Variants in FRMD4B observed in about 807,000 individuals in gnomAD.
The protein encoded by FRMD4B is FERM domain containing 4B, also known as FERM domain-containing protein 4B.
Under a neutral mutation model 141.5 loss-of-function variants are expected in FRMD4B, and 74 were observed. The observed-to-expected ratio is 0.52, with a 90% CI of 0.43 to 0.63. The LOEUF (loss-of-function observed/expected upper bound fraction) is 0.63, where lower values mean the gene tolerates loss of function less well. Ranked by LOEUF, FRMD4B falls within the 30% of genes least tolerant of loss-of-function variation. FRMD4B has a pLI of 0.00. For missense variants in FRMD4B, 1,366 were observed against 1,253.4 expected (o/e 1.09, Z -1.36); for synonymous variants, 506 against 467.9 (o/e 1.08, Z -1.05).
At chr3:69,378,464 C>G (rs920194912) in intron 1 of FRMD4B, among the ~76,000 whole-genome samples, 1 of 152,182 alleles carries the variant, frequency 6.6e-6, no homozygotes, top group Non-Finnish European at 1.5e-5. Context: ...TTCCAGCCAA[C>G]CAGTGATTGA....
chr3:69,243,816 C>T lies in FRMD4B; in HGVS notation c.581+5410G>A, dbSNP rs1214883502. Among the ~76,000 whole-genome samples, 6 of 152,232 alleles carry T rather than the reference C, an allele frequency of 3.9e-5. No individual in the cohort carries two copies. In the East Asian group the frequency reaches 5.8e-4, roughly 15 times the overall value. On this transcript the variant is annotated intron_variant, in intron 7 of 22. Transcript: ENST00000398540. ...ATCCCAGCACTTTGGGAGGCCTAGA[C>T]GGGCAGATCACCTGAGGCCAGGAGT...
chr3:69,358,853 A>C (rs1342111611), intron 1 of FRMD4B, among the ~76,000 whole-genome samples: 1 of 152,260 alleles, frequency 6.6e-6, no homozygotes, highest in East Asian at 1.9e-4. Context: ...TTCTAATAAA[A>C]GATAAGTTCA....
At chr3:69,319,515 T>C (rs1484767883) in intron 1 of FRMD4B, among the ~76,000 whole-genome samples, 1 of 152,100 alleles carries the variant, frequency 6.6e-6, no homozygotes, top group Non-Finnish European at 1.5e-5. Flanking sequence ...GGCAGAAAAA[T>C]TCTCCAGAGC....
At chr3:69,276,785 T>G (rs9831474) in intron 5 of FRMD4B, among the ~76,000 whole-genome samples, 138,215 of 152,044 alleles carry the variant, frequency 0.91, 63,347 homozygotes, top group Non-Finnish European at 0.97. Flanking sequence ...GCCAATATGG[T>G]GAAACCCCAT....
At chr3:69,424,413 C>T in intron 2 of FRMD4B, among the ~76,000 whole-genome samples, 1 of 152,172 alleles carries the variant, frequency 6.6e-6, no homozygotes, top group Non-Finnish European at 1.5e-5. Flanking sequence ...CCCGCTTTGG[C>T]CTCCCAAAGA....
rs779641470 is a variant in FRMD4B at position 69,392,218 on chromosome 3, C to T, written c.-1+40416G>A. Among the ~76,000 whole-genome samples the T allele has an allele frequency of 4.6e-5, 7 of 152,116 alleles. No individual in the cohort carries two copies. The East Asian group carries it at 1.3e-3, about 29-fold the overall frequency. ...GAGACGATCTCTGTCTAAGCGAGTC[C>T]TAGAGGACAGTGGGGAAGTCAGAAG... On this transcript the variant is annotated intron_variant, in intron 2 of 5. Transcript: ENST00000459638.
intron 5 of FRMD4B, among the ~76,000 whole-genome samples, chr3:69,254,495 T>C (rs2106810908): frequency 6.6e-6 from 1 of 152,236 alleles, no homozygotes; most frequent in African/African-American, 2.4e-5. Context: ...AGATTACTTA[T>C]TAATCACAAA....
At chr3:69,539,490 G>T (rs552288393) in intron 1 of FRMD4B, among the ~76,000 whole-genome samples, 1 of 152,280 alleles carries the variant, frequency 6.6e-6, no homozygotes, top group Admixed American at 6.5e-5. Flanking sequence ...CACTAAGATA[G>T]AAATTTATTA....
intron 4 of FRMD4B, among the ~76,000 whole-genome samples, chr3:69,298,391 T>C (rs4855305): frequency 0.44 from 66,175 of 152,080 alleles, 15,094 homozygotes; most frequent in Admixed American, 0.5. Context: ...GCCTGGGCCA[T>C]TGCAACAGCT....
intron 1 of FRMD4B, among the ~76,000 whole-genome samples, chr3:69,451,097 C>T (rs988195889): frequency 3.3e-5 from 5 of 152,210 alleles, no homozygotes; most frequent in Non-Finnish European, 7.3e-5. Context: ...GCCTCTGCTT[C>T]TCAGTGCTTC....
rs534864440 is a variant in FRMD4B at position 69,501,228 on chromosome 3, C to CTTT, written c.-129+40975_-129+40977dup. On this transcript the variant is annotated intron_variant, in intron 1 of 5. Coordinates refer to the FRMD4B transcript ENST00000459638. ...ACTATAAGGTTTATGCATGGACCTTCTTTTTTTTTTTTTTTTTTTTTAGCT... is the reference window on the plus strand; with the variant it reads ...ACTATAAGGTTTATGCATGGACCTTCTTTTTTTTTTTTTTTTTTTTTTTTAGCT... 4.5e-4 allele frequency among the ~76,000 whole-genome samples: 53 copies of CTTT among 117,246 alleles called. 1 individual carries two copies. Among genetic ancestry groups the CTTT allele is most frequent in the Middle Eastern group, 4.5e-3 (1 of 222 alleles). The allele number at this position is 117,246 out of a possible 152,430, so 76.9% of individuals were successfully genotyped here.
At chr3:69,287,675 G>A in intron 5 of FRMD4B, 77 bp downstream of exon 5, 5 of 745,272 alleles carry the variant, frequency 6.7e-6, no homozygotes, top group Non-Finnish European at 1.2e-5. Flanking sequence ...AATGCAAGAA[G>A]AGAGGCAAAA....
chr3:69,391,763 G>C (rs561432746), intron 2 of FRMD4B, among the ~76,000 whole-genome samples: 7 of 152,190 alleles, frequency 4.6e-5, no homozygotes, highest in Non-Finnish European at 1.0e-4. Context: ...GTGATGTGAC[G>C]TGGAAGCAAG....
intron 7 of FRMD4B, among the ~76,000 whole-genome samples, chr3:69,237,873 G>C (rs1177520017): frequency 1.3e-5 from 2 of 152,166 alleles, no homozygotes; most frequent in Non-Finnish European, 2.9e-5. Context: ...TGGGATTACA[G>C]GCACGCACCA....
intron 8 of FRMD4B, among the ~76,000 whole-genome samples, chr3:69,223,954 C>T (rs961218261): frequency 6.6e-6 from 1 of 152,208 alleles, no homozygotes; most frequent in Non-Finnish European, 1.5e-5. Context: ...ATACTTCCAA[C>T]TTCATACTAA....
At chr3:69,183,920 G>A (rs1172923112) in intron 19 of FRMD4B, among the ~76,000 whole-genome samples, 1 of 151,478 alleles carries the variant, frequency 6.6e-6, no homozygotes, top group Non-Finnish European at 1.5e-5. Context: ...TTTTTAGATG[G>A]AGTCTCGCTC....
intron 2 of FRMD4B, among the ~76,000 whole-genome samples, chr3:69,421,969 T>C (rs1029542524): frequency 6.6e-6 from 1 of 152,280 alleles, no homozygotes; most frequent in Non-Finnish European, 1.5e-5. Context: ...ATTTTCACTC[T>C]GATGAGTTCC....
intron 5 of FRMD4B, among the ~76,000 whole-genome samples, chr3:69,253,244 G>C (rs1247273762): frequency 7.3e-6 from 1 of 137,220 alleles, no homozygotes; most frequent in Non-Finnish European, 1.5e-5. Flanking sequence ...AAGATGAAGT[G>C]TAATGTCCAA....
At chr3:69,455,831 G>GTGAGTCAA (rs1705596216) in intron 1 of FRMD4B, among the ~76,000 whole-genome samples, 1 of 152,160 alleles carries the variant, frequency 6.6e-6, no homozygotes, top group African/African-American at 2.4e-5. Flanking sequence ...CTCCCACTGT[G>GTGAGTCAA]TGAGTCAAAG....
Sources: allele counts gnomAD v4.1 joint callset (sites outside exome capture counted in the v4.1 genomes callset), GRCh38; gene constraint gnomAD v4.1.1; transcripts MANE v1.5; gene names NCBI Gene and HGNC (gene_info 2026-07-23, HGNC 2026-07-21).